FUT8: variants seen among roughly 807,000 people sequenced by gnomAD.
FUT8 encodes fucosyltransferase 8.
FUT8 carries 29 observed loss-of-function variants against 71.3 expected under a neutral mutation model. That is an observed-to-expected ratio of 0.41 (90% confidence interval 0.30 to 0.55). The LOEUF (loss-of-function observed/expected upper bound fraction) is 0.55, where lower values mean the gene tolerates loss of function less well. FUT8 is among the 20% of genes least tolerant of loss of function. The probability of loss-of-function intolerance (pLI) is 0.34; values close to 1 mark genes in which losing one functional copy is unlikely to be tolerated. For missense variants in FUT8, 544 were observed against 702.1 expected (o/e 0.77, Z 2.55); for synonymous variants, 254 against 239.3 (o/e 1.06, Z -0.57).
intron 2 of FUT8, among the ~76,000 whole-genome samples, chr14:65,509,446 C>A (rs1594716761): frequency 6.6e-6 from 1 of 151,744 alleles, no homozygotes; most frequent in Non-Finnish European, 1.5e-5. Context: ...TTTTTTATAT[C>A]TCTGTTAAGA....
At chr14:65,608,225 A>G (rs887355704) in intron 3 of FUT8, among the ~76,000 whole-genome samples, 1 of 151,862 alleles carries the variant, frequency 6.6e-6, no homozygotes, top group East Asian at 1.9e-4. Context: ...AAATATAGTA[A>G]TTTTTGATAT....
At chr14:65,553,581 GTACAATT>G (rs1184484297) in intron 2 of FUT8, among the ~76,000 whole-genome samples, 1 of 151,576 alleles carries the variant, frequency 6.6e-6, no homozygotes, top group African/African-American at 2.4e-5. Context: ...ATTTTTTATA[GTACAATT>G]TTGCCGGCAC....
At chr14:65,432,581 C>T (rs1403442948) in intron 1 of FUT8, among the ~76,000 whole-genome samples, 1 of 152,056 alleles carries the variant, frequency 6.6e-6, no homozygotes, top group East Asian at 1.9e-4. Flanking sequence ...CATTCCCAGA[C>T]AGTTAAGACA....
intron 2 of FUT8, among the ~76,000 whole-genome samples, chr14:65,496,882 T>C (rs567485681): frequency 2.4e-4 from 37 of 152,064 alleles, no homozygotes; most frequent in Admixed American, 1.2e-3. Context: ...AGAGTTCAGG[T>C]TTTGGAGTCA....
chr14:65,674,055 C>T (rs1415551097), intron 7 of FUT8, among the ~76,000 whole-genome samples: 9 of 151,906 alleles, frequency 5.9e-5, no homozygotes, highest in South Asian at 2.1e-4. Flanking sequence ...TAAGGATTGA[C>T]GTCAGGTAGA....
intron 2 of FUT8, among the ~76,000 whole-genome samples, chr14:65,510,713 T>G (rs960787999): frequency 2.6e-5 from 4 of 152,282 alleles, no homozygotes; most frequent in Admixed American, 6.5e-5. Flanking sequence ...TTTATTGGCA[T>G]ATATTTGCTA....
chr14:65,430,552 G>T (rs1048105349), intron 1 of FUT8, among the ~76,000 whole-genome samples: 2 of 152,052 alleles, frequency 1.3e-5, no homozygotes, highest in South Asian at 4.2e-4. Flanking sequence ...ATGAGCAGCC[G>T]TCAGAAGATA....
In FUT8 at chr14:65,688,083, G is replaced by A. The variant is rs1220260866; in HGVS notation, c.835+18603G>A. On this transcript the variant is annotated intron_variant, in intron 7 of 10. Coordinates refer to ENST00000673929, the MANE Select transcript of FUT8 (RefSeq NM_001371533.1). ...GTATATTTGTCATAATCAGTGAAGT[G>A]ATATTGATATATTATTAACTGAAAT... 2.0e-5 allele frequency among the ~76,000 whole-genome samples: 3 copies of A among 152,110 alleles called. No individual in the cohort carries two copies. In the East Asian group the frequency reaches 5.8e-4, roughly 29 times the overall value.
chr14:65,644,439 C>T (rs749310135), intron 6 of FUT8, among the ~76,000 whole-genome samples: 2 of 151,802 alleles, frequency 1.3e-5, no homozygotes, highest in Non-Finnish European at 2.9e-5. Flanking sequence ...TACAGGCGCC[C>T]ACCACCGCCT....
intron 1 of FUT8, among the ~76,000 whole-genome samples, chr14:65,433,813 T>TCTCTCTCTCG (rs2065513499): frequency 2.1e-5 from 3 of 142,890 alleles, no homozygotes; most frequent in African/African-American, 7.4e-5. Context: ...TCTCTCTCTC[T>TCTCTCTCTCG]CTCTCGCTGT....
chr14:65,533,865 C>T lies in FUT8; in HGVS notation c.-227-27472C>T, dbSNP rs1463081937. Among the ~76,000 whole-genome samples, 6 of 152,088 alleles carry T rather than the reference C, an allele frequency of 3.9e-5. No individual in the cohort carries two copies. In the East Asian group the frequency reaches 9.6e-4, roughly 24 times the overall value. On this transcript the variant is annotated intron_variant, in intron 2 of 10. Transcript: ENST00000673929. ...TGGTGACTTTTGCCGAAAGTCTTTT[C>T]TGTATGTATTGAGATGATCATGTGG...
At chr14:65,611,274 CACACACACACACACACACACACA>C (rs1888963583) in intron 3 of FUT8, among the ~76,000 whole-genome samples, 2 of 59,144 alleles carry the variant, frequency 3.4e-5, no homozygotes, top group African/African-American at 8.5e-5. Flanking sequence ...CACACACACA[CACACACACACACACACACACACA>C]CACACCCCCC....
chr14:65,696,017 T>C (rs1321000599), intron 7 of FUT8, among the ~76,000 whole-genome samples: 1 of 152,118 alleles, frequency 6.6e-6, no homozygotes, highest in Non-Finnish European at 1.5e-5. Flanking sequence ...GCCAAGACCT[T>C]ATAACAGAGT....
chr14:65,529,021 C>A, intron 2 of FUT8: 1 of 159,174 alleles, frequency 6.3e-6, no homozygotes. Context: ...AATAGTCTCA[C>A]AGACCAACCA....
intron 5 of FUT8, among the ~76,000 whole-genome samples, chr14:65,618,380 C>T (rs933723190): frequency 1.3e-5 from 2 of 151,804 alleles, no homozygotes; most frequent in African/African-American, 2.4e-5. Context: ...ATTATGATTC[C>T]TTACAGTGCC....
At chr14:65,449,625 C>G (rs2065792086) in intron 1 of FUT8, among the ~76,000 whole-genome samples, 2 of 152,306 alleles carry the variant, frequency 1.3e-5, no homozygotes, top group East Asian at 3.9e-4. Flanking sequence ...ACATTGAGGT[C>G]CTGCCTTACT....
chr14:65,436,543 G>GGTGTGAACCTGGGAGGTGGA (rs1410718683), intron 1 of FUT8, among the ~76,000 whole-genome samples: 10 of 151,776 alleles, frequency 6.6e-5, no homozygotes, highest in African/African-American at 2.4e-4. Flanking sequence ...GCAGGAGAAT[G>GGTGTGAACCTGGGAGGTGGA]GTGTGAACCT....
rs530870001 is a variant in FUT8, at chr14:65,731,862, T to A, written c.1260-1369T>A. 1.5e-4 allele frequency among the ~76,000 whole-genome samples: 23 copies of A among 152,288 alleles called. No individual in the cohort carries two copies. In the South Asian group the frequency reaches 4.8e-3, roughly 32 times the overall value. Reference sequence around the variant, plus strand: ...TTAGGAAGGCCATTAATGTTAGTGTTACTTCTTGGTAAATTGATCACTCCT... The same window carrying A: ...TTAGGAAGGCCATTAATGTTAGTGTAACTTCTTGGTAAATTGATCACTCCT... On this transcript the variant is annotated intron_variant, in intron 9 of 10. Transcript: ENST00000673929.
At chr14:65,631,380 T>C (rs963306102) in intron 6 of FUT8, among the ~76,000 whole-genome samples, 13 of 152,316 alleles carry the variant, frequency 8.5e-5, no homozygotes, top group African/African-American at 3.1e-4. Flanking sequence ...TTCCTTTTTT[T>C]TTTCCTCTTG....
Sources: allele counts gnomAD v4.1 joint callset (sites outside exome capture counted in the v4.1 genomes callset), GRCh38; gene constraint gnomAD v4.1.1; transcripts MANE v1.5; gene names NCBI Gene and HGNC (gene_info 2026-07-23, HGNC 2026-07-21).